The following GLT1D1 variants were observed in gnomAD, a reference collection of about 807,000 sequenced individuals.
GLT1D1 encodes the protein glycosyltransferase 1 domain-containing protein 1.
A neutral mutation model predicts 28.7 loss-of-function variants in GLT1D1; 21 were observed. That is an observed-to-expected ratio of 0.73 (90% confidence interval 0.52 to 1.05). GLT1D1 has a LOEUF of 1.05. Among genes scored for constraint, GLT1D1 ranks in the 50% least tolerant of loss-of-function variants. GLT1D1 has a pLI of 0.00. For synonymous variants in GLT1D1, 147 were observed against 124.8 expected (o/e 1.18, Z -1.19); for missense variants, 343 against 330.6 (o/e 1.04, Z -0.29).
chr12:128,917,631 C>T (rs778132919), intron 4 of GLT1D1, among the ~76,000 whole-genome samples: 4 of 152,166 alleles, frequency 2.6e-5, no homozygotes, highest in Admixed American at 6.5e-5. Flanking sequence ...ATTCTCTGCC[C>T]TCAGCAAACA....
intron 4 of GLT1D1, among the ~76,000 whole-genome samples, chr12:128,943,640 C>T (rs1457414781): frequency 3.3e-5 from 5 of 152,104 alleles, no homozygotes; most frequent in East Asian, 1.9e-4. Flanking sequence ...TTTCTATATG[C>T]GAATGGATAC....
chr12:128,895,077 A>G (rs1032423425), intron 3 of GLT1D1, among the ~76,000 whole-genome samples: 1 of 151,944 alleles, frequency 6.6e-6, no homozygotes, highest in East Asian at 1.9e-4. Context: ...ACTTTCTGGC[A>G]TCGTAAAATG....
rs146576084 is a variant in GLT1D1 at position 128,879,016 on chromosome 12, G to A, written c.217+2954G>A. ...TTCCTTATAGGCCAAGATGAAGTTC[G>A]GAATCCCTGATAGCTCAGTAGGAAC... On this transcript the variant is annotated intron_variant, in intron 2 of 7. Coordinates refer to ENST00000281703, the MANE Select transcript of GLT1D1 (RefSeq NM_144669.3). Among the ~76,000 whole-genome samples the A allele has an allele frequency of 4.5e-3, 691 of 152,300 alleles. 12 individuals are homozygous for A. Among genetic ancestry groups the A allele is most frequent in the Admixed American group, 0.024 (362 of 15,294 alleles).
At chr12:128,938,680 G>A (rs1453800729) in intron 4 of GLT1D1, among the ~76,000 whole-genome samples, 1 of 152,200 alleles carries the variant, frequency 6.6e-6, no homozygotes, top group Non-Finnish European at 1.5e-5. Context: ...CTGGTAAAGT[G>A]TAAATGAGAA....
chr12:128,928,275 C>T (rs1329774689), intron 4 of GLT1D1, among the ~76,000 whole-genome samples: 1 of 152,034 alleles, frequency 6.6e-6, no homozygotes, highest in Non-Finnish European at 1.5e-5. Context: ...ATCCGAGAAA[C>T]ACGCTGGGAT....
At chr12:128,886,416 C>T (rs962732713) in intron 2 of GLT1D1, among the ~76,000 whole-genome samples, 5 of 152,114 alleles carry the variant, frequency 3.3e-5, no homozygotes, top group African/African-American at 9.7e-5. Flanking sequence ...TGTCCACATC[C>T]TACTTCCCAA....
intron 4 of GLT1D1, among the ~76,000 whole-genome samples, chr12:128,903,429 G>A (rs1041009626): frequency 2.0e-5 from 3 of 151,726 alleles, no homozygotes; most frequent in Non-Finnish European, 4.4e-5. Flanking sequence ...TGGAGATACG[G>A]TCCCCACCTC....
At chr12:128,883,428 A>G (rs1957106517) in intron 2 of GLT1D1, among the ~76,000 whole-genome samples, 1 of 151,156 alleles carries the variant, frequency 6.6e-6, no homozygotes, top group Non-Finnish European at 1.5e-5. Context: ...CGTCTCTACT[A>G]AAAATACAAA....
At chr12:128,954,621 A>G (rs112070705) in intron 6 of GLT1D1, among the ~76,000 whole-genome samples, 3,103 of 152,240 alleles carry the variant, frequency 0.02, 53 homozygotes, top group Middle Eastern at 0.078. Context: ...AGTTATAACA[A>G]TTCCCAGGGA....
At chr12:128,925,216 G>T (rs541807504) in intron 4 of GLT1D1, among the ~76,000 whole-genome samples, 1 of 152,074 alleles carries the variant, frequency 6.6e-6, no homozygotes, top group South Asian at 2.1e-4. Flanking sequence ...ACATGTGCAG[G>T]ATGTGCAGGT....
intron 2 of GLT1D1, among the ~76,000 whole-genome samples, chr12:128,881,575 T>A (rs1191514041): frequency 2.5e-4 from 25 of 99,196 alleles, no homozygotes; most frequent in Non-Finnish European, 3.3e-4. Flanking sequence ...TATATATATA[T>A]ATATATATAT....
At chr12:128,928,023 AAAC>A (rs1873453550) in intron 4 of GLT1D1, among the ~76,000 whole-genome samples, 3 of 149,366 alleles carry the variant, frequency 2.0e-5, no homozygotes, top group Non-Finnish European at 4.5e-5. Context: ...AAAAAAAAAA[AAAC>A]AAAAAAGAAT....
At chr12:128,891,651 G>A (rs1869070073) in intron 3 of GLT1D1, among the ~76,000 whole-genome samples, 1 of 152,158 alleles carries the variant, frequency 6.6e-6, no homozygotes, top group Non-Finnish European at 1.5e-5. Flanking sequence ...AGCATTCAAA[G>A]TTCTGTCGGG....
intron 7 of GLT1D1, among the ~76,000 whole-genome samples, chr12:128,975,335 T>G (rs1879666508): frequency 6.6e-6 from 1 of 152,200 alleles, no homozygotes; most frequent in Non-Finnish European, 1.5e-5. Flanking sequence ...GTCCTCTGGC[T>G]CTGTATTGAG....
chr12:128,907,676 CT>C (rs1302197949), intron 4 of GLT1D1, among the ~76,000 whole-genome samples: 2 of 152,256 alleles, frequency 1.3e-5, no homozygotes, highest in African/African-American at 4.8e-5. Context: ...TGCAAATGTT[CT>C]TTATGTCTGT....
intron 4 of GLT1D1, among the ~76,000 whole-genome samples, chr12:128,916,001 C>T (rs944930430): frequency 2.6e-5 from 4 of 152,158 alleles, no homozygotes; most frequent in Admixed American, 6.5e-5. Flanking sequence ...AGAAAGTTCT[C>T]TCATGCCCTC....
chr12:128,915,470 T>C (rs1030347668), intron 4 of GLT1D1, among the ~76,000 whole-genome samples: 2 of 151,888 alleles, frequency 1.3e-5, no homozygotes, highest in African/African-American at 4.8e-5. Context: ...GTTCAAGTGA[T>C]TCTCCTGCCT....
chr12:128,897,614 A>G (rs977605141), intron 3 of GLT1D1, among the ~76,000 whole-genome samples: 2 of 152,134 alleles, frequency 1.3e-5, no homozygotes, highest in African/African-American at 4.8e-5. Flanking sequence ...TAAGGTAGGA[A>G]ACTAACTTTT....
At chr12:128,887,199 TAG>T (rs1868497750) in intron 2 of GLT1D1, among the ~76,000 whole-genome samples, 1 of 151,842 alleles carries the variant, frequency 6.6e-6, no homozygotes. Flanking sequence ...TTTACAAAAA[TAG>T]AGACAGAATT....
Sources: gnomAD v4.1 joint callset for allele counts (sites outside exome capture counted in the v4.1 genomes callset) on GRCh38, gnomAD v4.1.1 for gene constraint, MANE v1.5 for transcripts, NCBI Gene and HGNC (gene_info 2026-07-23, HGNC 2026-07-21) for gene names.